The following BRD9 variants were observed in gnomAD, a reference collection of about 807,000 sequenced individuals.
BRD9 encodes bromodomain-containing protein 9.
In BRD9, 47 loss-of-function variants were observed where a neutral mutation model predicts 68.7. That is an observed-to-expected ratio of 0.68 (90% CI 0.54 to 0.87). The LOEUF is 0.87. Among genes scored for constraint, BRD9 ranks in the 40% least tolerant of loss-of-function variants. BRD9 has a pLI of 0.00. For missense variants in BRD9, 670 were observed against 748.4 expected (o/e 0.90, Z 1.22); for synonymous variants, 313 against 293.9 (o/e 1.06, Z -0.67).
intron 2 of BRD9, 27 bp downstream of exon 2, chr5:891,613 T>A: frequency 6.5e-7 from 1 of 1,548,484 alleles, no homozygotes; most frequent in East Asian, 2.4e-5. Context: ...GTGGGCAGCG[T>A]CCGGGCCACC....
At position 892,787 on chromosome 5, in the gene BRD9, G is replaced by A. The variant is rs918558451; in HGVS notation, c.-130C>T. On this transcript the variant is annotated 5_prime_UTR_variant, in exon 1 of 16. Coordinates refer to ENST00000467963, the MANE Select transcript of BRD9 (RefSeq NM_023924.5). The stretch of plus-strand genomic sequence containing the variant: ...TGCGCCGAGGTTGCCGAGCTCGCTG[G>A]GCCGCGCCGGAAACGGGGCGAGGCG... The A allele has an allele frequency of 5.7e-6, 6 of 1,061,936 alleles. No homozygotes were observed. The African/African-American group carries it at 6.6e-5, about 12-fold the overall frequency. 65.8% of individuals were successfully genotyped at this position (1,061,936 alleles called of 1,614,324 possible). A position where few individuals can be genotyped will look rare whatever the true frequency, so the allele number is the denominator to read the frequency against.
Position 878,333 on chromosome 5 carries a change from G to A in BRD9, c.1271+22C>T, listed in dbSNP as rs73733935. On this transcript the variant is annotated intron_variant, in intron 11 of 15. Transcript: ENST00000467963. ...AGCTCAAGCTGCACAGCAGCCAAGGGCTCCCCGGGGCCGACACTTGCCTCA... is the reference window on the plus strand; with the variant it reads ...AGCTCAAGCTGCACAGCAGCCAAGGACTCCCCGGGGCCGACACTTGCCTCA... 7.5e-3 allele frequency: 12,144 copies of A among 1,611,254 alleles called. 356 individuals are homozygous for A. In the African/African-American group the frequency reaches 0.12, roughly 16 times the overall value.
chr5:871,622 C>T, intron 12 of BRD9, 58 bp from the exon 13 acceptor site: 1 of 1,505,274 alleles, frequency 6.6e-7, no homozygotes, highest in Non-Finnish European at 9.3e-7. Context: ...TAGAAACGGA[C>T]AATTCGCTGA....
chr5:891,754 G>A lies in BRD9; in HGVS notation c.153C>T (p.Tyr51=), dbSNP rs1053886979. 3 of 1,551,454 alleles carry A rather than the reference G, an allele frequency of 1.9e-6. No individual in the cohort carries two copies. Among genetic ancestry groups the A allele is most frequent in the Admixed American group, 2.0e-5 (1 of 50,980 alleles). ...ELSGSGHDSS[Y]YDDRSDHERE... is the part of the protein sequence containing the mutation. ...GCTCATGGTCTGACCTGTCATCATA[G>A]TAACTGGAGTCGTGGCCGGATCCTG... The change falls in exon 2 of 16, where the codon TAC becomes TAT. Residue 51 remains tyrosine, a synonymous_variant. Transcript: ENST00000467963.
intron 7 of BRD9, 79 bp from the exon 8 acceptor site, chr5:884,149 C>G: frequency 6.4e-7 from 1 of 1,552,104 alleles, no homozygotes; most frequent in Non-Finnish European, 8.7e-7. Context: ...GGCACCTAAC[C>G]CAGCTTCTAC....
At chr5:891,023 G>C (rs1753286100) in intron 3 of BRD9, 132 bp downstream of exon 3, 6 of 1,206,594 alleles carry the variant, frequency 5.0e-6, no homozygotes, top group African/African-American at 1.5e-5. Context: ...AGGACACCTG[G>C]GATGAGGCCC....
At chr5:882,950 C>G (rs3747739) in intron 8 of BRD9, 20,602 of 250,370 alleles carry the variant, frequency 0.082, 1,298 homozygotes, top group East Asian at 0.18. Flanking sequence ...CCACGTGAAC[C>G]ACAACCTCCC....
Position 883,897 on chromosome 5 carries a change from GGGCCACGTGGCACCCTCTCTCGGT to G in BRD9, c.966+17_966+40del, listed in dbSNP as rs772656442. The G allele has an allele frequency of 1.3e-6, 2 of 1,597,424 alleles. No individual in the cohort carries two copies. The highest frequency in any genetic ancestry group is 1.7e-6 in the Non-Finnish European group (2 of 1,173,584). Reference sequence around the variant, plus strand: ...GAAGGAGAGGCACACAGAGAGTCTGGGGCCACGTGGCACCCTCTCTCGGTGGCCACAGAGCACTACCTTGCCGCC... The same window carrying G: ...GAAGGAGAGGCACACAGAGAGTCTGGGGCCACAGAGCACTACCTTGCCGCC... On this transcript the variant is annotated intron_variant, in intron 8 of 15. Coordinates refer to ENST00000467963, the MANE Select transcript of BRD9 (RefSeq NM_023924.5).
chr5:875,175 T>A (rs1438055261), intron 12 of BRD9, among the ~76,000 whole-genome samples: 1 of 152,240 alleles, frequency 6.6e-6, no homozygotes, highest in East Asian at 1.9e-4. Context: ...CGAGGCTCTG[T>A]GAGCCACACG....
At chr5:887,074 G>C (rs1169192978) in intron 6 of BRD9, among the ~76,000 whole-genome samples, 11 of 152,210 alleles carry the variant, frequency 7.2e-5, no homozygotes, top group African/African-American at 2.7e-4. Context: ...AGGCAGTCAC[G>C]CAAAACAAGC....
Position 891,556 on chromosome 5 carries a change from G to A in BRD9, c.267+84C>T, listed in dbSNP as rs1031007989. On this transcript the variant is annotated intron_variant, in intron 2 of 15. Transcript: ENST00000467963. ...CCCCCTCCCCTCCTCCAGCCACGCA[G>A]GCGCACTCTGCCTGGGTCCTGGGAC... The A allele has an allele frequency of 3.1e-5, 47 of 1,503,886 alleles. No homozygotes were observed. The Admixed American group carries it at 1.1e-3, about 34-fold the overall frequency. 93.2% of individuals were successfully genotyped at this position (1,503,886 alleles called of 1,614,324 possible).
chr5:889,543 C>G, intron 4 of BRD9, 44 bp downstream of exon 4: 1 of 1,601,826 alleles, frequency 6.2e-7, no homozygotes, highest in Non-Finnish European at 8.5e-7. Flanking sequence ...AAGATGACAC[C>G]ACACCCCCCC....
intron 11 of BRD9, among the ~76,000 whole-genome samples, chr5:877,044 C>T (rs1001114862): frequency 1.3e-5 from 2 of 152,250 alleles, no homozygotes; most frequent in Non-Finnish European, 2.9e-5. Flanking sequence ...AGCCACAAGG[C>T]AGGCGGGGTC....
Position 881,192 on chromosome 5 carries a change from A to T in BRD9, c.967-10T>A. 6.2e-7 allele frequency: 1 copy of T among 1,613,680 alleles called. No homozygotes were observed. The highest frequency in any genetic ancestry group is 8.5e-7 in the Non-Finnish European group (1 of 1,179,888). ...TCTTCAGATAGCCCATCTGGAAGGAAGCACTGCCTGAGCGTCTGTCCCTCA... is the reference window on the plus strand; with the variant it reads ...TCTTCAGATAGCCCATCTGGAAGGATGCACTGCCTGAGCGTCTGTCCCTCA... On this transcript the variant is annotated splice_polypyrimidine_tract_variant and intron_variant, in intron 8 of 15. Transcript: ENST00000467963.
Position 877,782 on chromosome 5 carries a change from C to T in BRD9, c.1271+573G>A, listed in dbSNP as rs927597857. 6.6e-5 allele frequency among the ~76,000 whole-genome samples: 10 copies of T among 152,176 alleles called. No individual in the cohort carries two copies. The East Asian group carries it at 1.2e-3, about 18-fold the overall frequency. Reference sequence around the variant, plus strand: ...TTATACTTGGAGCTGGGGACTTTAACGGCCTTTAGAGGTAACTGCAGTGAC... The same window carrying T: ...TTATACTTGGAGCTGGGGACTTTAATGGCCTTTAGAGGTAACTGCAGTGAC... On this transcript the variant is annotated intron_variant, in intron 11 of 15. Transcript: ENST00000467963.
In BRD9 at chr5:892,744, C is replaced by G; in HGVS notation, c.-87G>C. 1 of 1,200,954 alleles carries G rather than the reference C, an allele frequency of 8.3e-7. No homozygotes were observed. Among genetic ancestry groups the G allele is most frequent in the Non-Finnish European group, 1.0e-6 (1 of 956,726 alleles). 74.4% of individuals were successfully genotyped at this position (1,200,954 alleles called of 1,614,324 possible). ...GGCCGCCACCGCCCCCTGGCCCTGGCTGGCCGCCCGCGCTCGCTGCGCCGA... is the reference window on the plus strand; with the variant it reads ...GGCCGCCACCGCCCCCTGGCCCTGGGTGGCCGCCCGCGCTCGCTGCGCCGA... On this transcript the variant is annotated 5_prime_UTR_variant, in exon 1 of 16. Transcript: ENST00000467963.
intron 14 of BRD9, among the ~76,000 whole-genome samples, chr5:869,893 G>A (rs557067811): frequency 2.0e-5 from 3 of 152,292 alleles, no homozygotes; most frequent in African/African-American, 7.2e-5. Context: ...AGTCCTCCTC[G>A]GCAAATGTTC....
At chr5:886,481 T>C (rs1752583438) in intron 7 of BRD9, 111 bp downstream of exon 7, 5 of 1,073,972 alleles carry the variant, frequency 4.7e-6, no homozygotes, top group Non-Finnish European at 6.8e-6. Context: ...AGAATGTCTA[T>C]GTGACATGAC....
chr5:884,159 C>T lies in BRD9; in HGVS notation c.834-89G>A. Reference sequence around the variant, plus strand: ...GCGTCGGCACCTAACCCAGCTTCTACCGACCCTGCCCTCAGACACAGAGCT... The same window carrying T: ...GCGTCGGCACCTAACCCAGCTTCTATCGACCCTGCCCTCAGACACAGAGCT... On this transcript the variant is annotated intron_variant, in intron 7 of 15. Transcript: ENST00000467963. 4 of 1,521,226 alleles carry T rather than the reference C, an allele frequency of 2.6e-6. No homozygotes were observed. In the Admixed American group the frequency reaches 5.4e-5, roughly 21 times the overall value. 94.2% of individuals were successfully genotyped at this position (1,521,226 alleles called of 1,614,324 possible). A position where few individuals can be genotyped will look rare whatever the true frequency, so the allele number is the denominator to read the frequency against.
Sources: allele counts gnomAD v4.1 joint callset (sites outside exome capture counted in the v4.1 genomes callset), GRCh38; gene constraint gnomAD v4.1.1; transcripts MANE v1.5; gene names NCBI Gene and HGNC (gene_info 2026-07-23, HGNC 2026-07-21).